UBN2: variants seen among roughly 807,000 people sequenced by gnomAD.
UBN2 encodes ubinuclein 2, also known as ubinuclein-2.
In UBN2, 35 loss-of-function variants were observed where a neutral mutation model predicts 120.2. The ratio of observed to expected loss-of-function variants is 0.29; its 90% CI spans 0.22 to 0.39. UBN2 has a LOEUF of 0.39. Ranked by LOEUF, UBN2 falls within the 10% of genes least tolerant of loss-of-function variation. The probability of loss-of-function intolerance (pLI) is 1.00; values close to 1 mark genes in which losing one functional copy is unlikely to be tolerated. For synonymous variants in UBN2, 661 were observed against 648.7 expected, an observed-to-expected ratio of 1.02 and a Z score of -0.29; for missense variants, 1,693 against 1,663.2, an observed-to-expected ratio of 1.02 and a Z score of -0.31.
chr7:139,280,451 A>G (rs1178313424), intron 13 of UBN2, among the ~76,000 whole-genome samples: 7 of 152,130 alleles, frequency 4.6e-5, no homozygotes, highest in Non-Finnish European at 8.8e-5. Context: ...ATGAAAGCTC[A>G]TACTCTTTAG....
At chr7:139,324,555 C>CAAAAAA in the UBN2 span, among the ~76,000 whole-genome samples, 178 of 66,794 alleles carry the variant, frequency 2.7e-3, no homozygotes, top group Non-Finnish European at 3.9e-3. Flanking sequence ...GACTCCATCT[C>CAAAAAA]AAAAAAAAAA....
At chr7:139,246,275 G>A (rs992949960) in intron 2 of UBN2, among the ~76,000 whole-genome samples, 1 of 152,206 alleles carries the variant, frequency 6.6e-6, no homozygotes, top group African/African-American at 2.4e-5. Context: ...TGAGGCAGGA[G>A]AATCACTTGA....
chr7:139,242,860 C>G (rs1796359345), intron 2 of UBN2, among the ~76,000 whole-genome samples: 1 of 152,156 alleles, frequency 6.6e-6, no homozygotes, highest in African/African-American at 2.4e-5. Context: ...AAACTCAGCT[C>G]CTTTCTATTG....
At chr7:139,316,032 G>C in the UBN2 span, among the ~76,000 whole-genome samples, 1 of 137,712 alleles carries the variant, frequency 7.3e-6, no homozygotes, top group African/African-American at 2.8e-5. Flanking sequence ...AGCTGAGATC[G>C]CGCTGTTGCA....
chr7:139,314,458 CAAA>C, the UBN2 span, among the ~76,000 whole-genome samples: 2 of 151,046 alleles, frequency 1.3e-5, no homozygotes, highest in African/African-American at 4.9e-5. Flanking sequence ...AACTCCATCT[CAAA>C]AAAAGAAGTG....
intron 1 of UBN2, among the ~76,000 whole-genome samples, chr7:139,234,077 T>C (rs1796100869): frequency 6.6e-6 from 1 of 151,336 alleles, no homozygotes; most frequent in Non-Finnish European, 1.5e-5. Context: ...ATAGAAAACA[T>C]ATGTTTAAGT....
intron 2 of UBN2, among the ~76,000 whole-genome samples, chr7:139,249,234 G>A (rs1796552819): frequency 1.3e-5 from 2 of 152,118 alleles, no homozygotes; most frequent in African/African-American, 4.8e-5. Context: ...ACCTTTCTTG[G>A]TGATGATGGT....
chr7:139,235,859 T>G (rs1463899668), intron 1 of UBN2, among the ~76,000 whole-genome samples: 1 of 152,226 alleles, frequency 6.6e-6, no homozygotes, highest in Non-Finnish European at 1.5e-5. Context: ...ATTCATTCTG[T>G]CCACATTTTT....
intron 1 of UBN2, among the ~76,000 whole-genome samples, chr7:139,236,653 T>A (rs1406959561): frequency 1.3e-5 from 2 of 152,184 alleles, no homozygotes; most frequent in Admixed American, 1.3e-4. Flanking sequence ...ACAATTTGGA[T>A]TGTTGAGTTC....
chr7:139,232,632 G>T (rs922780017), intron 1 of UBN2, among the ~76,000 whole-genome samples: 1 of 152,116 alleles, frequency 6.6e-6, no homozygotes, highest in African/African-American at 2.4e-5. Context: ...CTTTTTTGTG[G>T]AGTTCGTTCA....
intron 3 of UBN2, among the ~76,000 whole-genome samples, chr7:139,253,981 T>C (rs1238403851): frequency 6.6e-6 from 1 of 152,210 alleles, no homozygotes; most frequent in African/African-American, 2.4e-5. Flanking sequence ...TTGGATATTC[T>C]GTCAAACTCC....
At chr7:139,310,067 G>C (rs1798428287), downstream of UBN2, among the ~76,000 whole-genome samples, 1 of 152,144 alleles carries the variant, frequency 6.6e-6, no homozygotes, top group African/African-American at 2.4e-5. Context: ...AAAGAAATGG[G>C]AAGGGGCCTC....
intron 8 of UBN2, among the ~76,000 whole-genome samples, chr7:139,270,131 A>G (rs148675821): frequency 1.1e-4 from 17 of 152,322 alleles, no homozygotes; most frequent in Non-Finnish European, 1.9e-4. Flanking sequence ...ATATATTTGT[A>G]TCCCTAAACA....
At chr7:139,259,526 AT>A (rs2130978243) in intron 5 of UBN2, among the ~76,000 whole-genome samples, 156 bp downstream of exon 5, 1 of 152,312 alleles carries the variant, frequency 6.6e-6, no homozygotes, top group Non-Finnish European at 1.5e-5. Flanking sequence ...GTATTGTAGT[AT>A]TTGTTCTTAA....
chr7:139,318,085 G>A, the UBN2 span, among the ~76,000 whole-genome samples: 9 of 152,264 alleles, frequency 5.9e-5, no homozygotes, highest in Admixed American at 4.6e-4. Flanking sequence ...GAGGATCTTT[G>A]TTGTGCTTAT....
chr7:139,271,478 C>T (rs1309381550), intron 8 of UBN2, among the ~76,000 whole-genome samples: 3 of 151,264 alleles, frequency 2.0e-5, no homozygotes, highest in Non-Finnish European at 2.9e-5. Context: ...CCCAGCTACT[C>T]GGGTGGCTGA....
chr7:139,314,379 C>T, the UBN2 span, among the ~76,000 whole-genome samples: 9 of 151,550 alleles, frequency 5.9e-5, no homozygotes, highest in South Asian at 4.2e-4. Context: ...CGCTTGAACC[C>T]GGGAGGCAGA....
In UBN2 at chr7:139,266,370, T is replaced by C; in HGVS notation, c.1433T>C (p.Phe478Ser). ...TTTGATGAAGAAGGAAGGAAAAAAT[T>C]CTTTACACAGGATATGAATAATATT... ...KLFDEEGRKKFFTQDMNNILL... is the reference protein window; with the variant it reads ...KLFDEEGRKKSFTQDMNNILL... Residue 478 changes from phenylalanine (F) to serine (S), a missense_variant, in exon 7 of 18, where the codon TTC becomes TCC. Physicochemically the swap from Phe to Ser is radical, Grantham distance 155. Transcript: ENST00000473989. The C allele has an allele frequency of 6.3e-7, 1 of 1,582,054 alleles. No individual in the cohort carries two copies. Among genetic ancestry groups the C allele is most frequent in the Non-Finnish European group, 8.6e-7 (1 of 1,158,674 alleles).
chr7:139,252,203 C>CTTT (rs35028623), intron 3 of UBN2, 146 bp downstream of exon 3: 19 of 443,778 alleles, frequency 4.3e-5, no homozygotes, highest in Admixed American at 7.8e-5. Flanking sequence ...TTTCTTTACC[C>CTTT]TTTTTTTTTT....
Sources: gnomAD v4.1 joint callset for allele counts (sites outside exome capture counted in the v4.1 genomes callset) on GRCh38, gnomAD v4.1.1 for gene constraint, MANE v1.5 for transcripts, NCBI Gene and HGNC (gene_info 2026-07-23, HGNC 2026-07-21) for gene names.